The following TTLL9 variants were observed in gnomAD, a reference collection of about 807,000 sequenced individuals.
TTLL9 encodes tubulin tyrosine ligase like 9.
TTLL9 carries 47 observed loss-of-function variants against 65.6 expected under a neutral mutation model. The observed-to-expected ratio is 0.72, with a 90% confidence interval of 0.57 to 0.91. The LOEUF is 0.91. Among genes scored for constraint, TTLL9 ranks in the 40% least tolerant of loss-of-function variants. TTLL9 has a pLI of 0.00. For synonymous variants in TTLL9, 179 were observed against 204.8 expected, an observed-to-expected ratio of 0.87 and a Z score of 1.07; for missense variants, 537 against 568.8, an observed-to-expected ratio of 0.94 and a Z score of 0.57.
chr20:31,911,032 G>C (rs534189508), intron 6 of TTLL9, among the ~76,000 whole-genome samples: 2 of 152,054 alleles, frequency 1.3e-5, no homozygotes, highest in African/African-American at 2.4e-5. Context: ...AAAATTAGCC[G>C]GGCATGATGG....
chr20:31,888,754 A>G (rs1282494602), intron 3 of TTLL9, among the ~76,000 whole-genome samples: 1 of 152,144 alleles, frequency 6.6e-6, no homozygotes, highest in Non-Finnish European at 1.5e-5. Context: ...GGAGCTTACA[A>G]TCATGGTGGA....
intron 10 of TTLL9, among the ~76,000 whole-genome samples, chr20:31,931,024 G>T (rs1568831281): frequency 6.6e-6 from 1 of 151,592 alleles, no homozygotes; most frequent in South Asian, 2.1e-4. Context: ...CATCTGAAGA[G>T]AGCTATTTCC....
intron 9 of TTLL9, 78 bp from the exon 10 acceptor site, chr20:31,925,971 A>T: frequency 6.3e-7 from 1 of 1,590,654 alleles, no homozygotes; most frequent in Non-Finnish European, 8.6e-7. Context: ...GTATCCTGGG[A>T]TCCTGGCTAA....
At chr20:31,912,278 C>T (rs2063666304) in intron 6 of TTLL9, among the ~76,000 whole-genome samples, 1 of 152,148 alleles carries the variant, frequency 6.6e-6, no homozygotes, top group African/African-American at 2.4e-5. Context: ...GTGCAGCATC[C>T]AGGGACCTAG....
chr20:31,920,952 A>T (rs937774696), intron 7 of TTLL9, among the ~76,000 whole-genome samples: 2 of 152,214 alleles, frequency 1.3e-5, no homozygotes, highest in Non-Finnish European at 2.9e-5. Context: ...TGCTGTGCAG[A>T]TGCATGAGAG....
At chr20:31,939,060 G>A (rs186190987) in intron 13 of TTLL9, 82 bp from the exon 14 acceptor site, 3 of 1,448,644 alleles carry the variant, frequency 2.1e-6, no homozygotes, top group Admixed American at 2.5e-5. Flanking sequence ...TTGGGCTCAG[G>A]GAGAGATCAG....
intron 4 of TTLL9, among the ~76,000 whole-genome samples, chr20:31,904,350 CTT>C (rs71185374): frequency 1.3e-3 from 104 of 81,768 alleles, no homozygotes; most frequent in African/African-American, 4.3e-3. Context: ...TTTGATAATT[CTT>C]TTTTTTTTTT....
At chr20:31,898,649 G>C (rs2063423825) in intron 4 of TTLL9, 84 bp downstream of exon 4, 1 of 1,283,294 alleles carries the variant, frequency 7.8e-7, no homozygotes, top group Non-Finnish European at 1.1e-6. Context: ...CAGTTCCCCT[G>C]GGTGGCCACT....
At chr20:31,904,691 T>C (rs1396755650) in intron 4 of TTLL9, among the ~76,000 whole-genome samples, 1 of 152,174 alleles carries the variant, frequency 6.6e-6, no homozygotes, top group Non-Finnish European at 1.5e-5. Flanking sequence ...TCTATTATTA[T>C]TACAATAATT....
intron 10 of TTLL9, among the ~76,000 whole-genome samples, chr20:31,927,877 C>T (rs1047337067): frequency 2.0e-5 from 3 of 152,194 alleles, no homozygotes; most frequent in African/African-American, 7.2e-5. Context: ...CAAGGTGATG[C>T]ATGTGCATTG....
At chr20:31,918,914 G>T (rs1235778700) in intron 6 of TTLL9, among the ~76,000 whole-genome samples, 1 of 152,210 alleles carries the variant, frequency 6.6e-6, no homozygotes, top group Admixed American at 6.5e-5. Context: ...AGGCAGAGCA[G>T]GGGCTCTTTG....
rs138561950 is a variant in TTLL9, at chr20:31,910,900, A to G, written c.504+978A>G. ...CTCAAAAATCTGAGTGGGGCCGAGC[A>G]TGGTGGCTCATGCTTATAATCCTAG... is the stretch of plus-strand genomic sequence containing the variant. On this transcript the variant is annotated intron_variant, in intron 6 of 14. Coordinates refer to ENST00000535842, the MANE Select transcript of TTLL9 (RefSeq NM_001008409.5). Among the ~76,000 whole-genome samples, 3 of 152,278 alleles carry G rather than the reference A, an allele frequency of 2.0e-5. No individual in the cohort carries two copies. In the East Asian group the frequency reaches 5.8e-4, roughly 29 times the overall value.
intron 14 of TTLL9, chr20:31,940,412 G>A (rs2064184928): frequency 6.6e-6 from 1 of 152,104 alleles, no homozygotes; most frequent in South Asian, 2.1e-4. Flanking sequence ...ATATAACACT[G>A]TCCAAGCTTA....
chr20:31,931,367 C>T (rs1476604071), intron 10 of TTLL9, among the ~76,000 whole-genome samples: 1 of 152,186 alleles, frequency 6.6e-6, no homozygotes, highest in Non-Finnish European at 1.5e-5. Flanking sequence ...CCTCGACTTC[C>T]CGGGCTCAAA....
At chr20:31,916,577 G>C (rs193246077) in intron 6 of TTLL9, among the ~76,000 whole-genome samples, 1 of 152,170 alleles carries the variant, frequency 6.6e-6, no homozygotes, top group African/African-American at 2.4e-5. Context: ...AGAAGGCTGA[G>C]GGTAGGCATA....
intron 3 of TTLL9, among the ~76,000 whole-genome samples, chr20:31,891,551 G>T (rs747548743): frequency 6.6e-6 from 1 of 151,082 alleles, no homozygotes; most frequent in Non-Finnish European, 1.5e-5. Context: ...TGTTGCTCTG[G>T]CTGGTCTCAA....
At chr20:31,922,178 T>G (rs1419293948) in intron 7 of TTLL9, among the ~76,000 whole-genome samples, 1 of 151,676 alleles carries the variant, frequency 6.6e-6, no homozygotes, top group Non-Finnish European at 1.5e-5. Context: ...GGCACAAGAG[T>G]TGCTTGAACC....
At chr20:31,875,290 C>G (rs1344419923) in intron 2 of TTLL9, among the ~76,000 whole-genome samples, 3 of 152,200 alleles carry the variant, frequency 2.0e-5, no homozygotes, top group Middle Eastern at 3.4e-3. Flanking sequence ...TTTCAAATAC[C>G]TAGTAGAAAG....
chr20:31,939,791 G>A (rs965277317), intron 14 of TTLL9: 1 of 152,368 alleles, frequency 6.6e-6, no homozygotes, highest in Non-Finnish European at 1.5e-5. Context: ...ATGAGGAAAT[G>A]ATATCCAGGT....
Sources: gnomAD v4.1 joint callset for allele counts (sites outside exome capture counted in the v4.1 genomes callset) on GRCh38, gnomAD v4.1.1 for gene constraint, MANE v1.5 for transcripts, NCBI Gene and HGNC (gene_info 2026-07-23, HGNC 2026-07-21) for gene names.